Variants in CDH9 observed in about 807,000 individuals in gnomAD.
CDH9 encodes the protein cadherin-9.
CDH9 carries 28 observed loss-of-function variants against 70.9 expected under a neutral mutation model. That is an observed-to-expected ratio of 0.40 (90% CI 0.29 to 0.54). The LOEUF (loss-of-function observed/expected upper bound fraction) is 0.54. Ranked by LOEUF, CDH9 falls within the 20% of genes least tolerant of loss-of-function variation. The pLI, the probability that CDH9 is intolerant of heterozygous loss-of-function variation, is 0.59. For missense variants in CDH9, 874 were observed against 984.4 expected (o/e 0.89, Z 1.50); for synonymous variants, 409 against 343.1 (o/e 1.19, Z -2.12).
chr5:26,998,346 T>C (rs1431783765), intron 1 of CDH9, among the ~76,000 whole-genome samples: 1 of 152,094 alleles, frequency 6.6e-6, no homozygotes, highest in Non-Finnish European at 1.5e-5. Flanking sequence ...CCATCAATGA[T>C]AGACTGGATT....
intron 9 of CDH9, among the ~76,000 whole-genome samples, chr5:26,888,297 T>C (rs1740598826): frequency 6.6e-6 from 1 of 152,068 alleles, no homozygotes; most frequent in Admixed American, 6.6e-5. Flanking sequence ...ACAATTTAAT[T>C]TTTCCTACTT....
At chr5:26,940,933 A>C (rs1741651764) in intron 2 of CDH9, among the ~76,000 whole-genome samples, 1 of 152,248 alleles carries the variant, frequency 6.6e-6, no homozygotes. Flanking sequence ...TGTTACTGAA[A>C]ATAAACTTAT....
chr5:26,925,935 C>T (rs543719279), intron 2 of CDH9, among the ~76,000 whole-genome samples: 8 of 152,182 alleles, frequency 5.3e-5, no homozygotes, highest in Admixed American at 2.0e-4. Context: ...ATTGATGGAA[C>T]GTATCTCAAA....
chr5:26,926,917 G>GACC (rs1741349810), intron 2 of CDH9, among the ~76,000 whole-genome samples: 1 of 125,280 alleles, frequency 8.0e-6, no homozygotes, highest in Non-Finnish European at 1.7e-5. Context: ...CAAAAATACA[G>GACC]CCCCCCCCCG....
chr5:26,960,210 A>T (rs891557577), intron 2 of CDH9, among the ~76,000 whole-genome samples: 1 of 151,978 alleles, frequency 6.6e-6, no homozygotes, highest in Non-Finnish European at 1.5e-5. Flanking sequence ...TCTAGCAATG[A>T]CCTCGGACAC....
intron 1 of CDH9, among the ~76,000 whole-genome samples, chr5:27,003,239 CCTGTAT>C (rs1742802870): frequency 6.6e-6 from 1 of 152,048 alleles, no homozygotes; most frequent in Non-Finnish European, 1.5e-5. Flanking sequence ...GGATGTTCTA[CCTGTAT>C]CTGTAAGTTT....
chr5:26,941,018 T>C (rs1164108486), intron 2 of CDH9, among the ~76,000 whole-genome samples: 1 of 152,220 alleles, frequency 6.6e-6, no homozygotes, highest in Non-Finnish European at 1.5e-5. Flanking sequence ...AGGGGTTTAA[T>C]AAATAATCAC....
At chr5:26,888,776 G>T (rs2111971061) in intron 9 of CDH9, among the ~76,000 whole-genome samples, 1 of 152,248 alleles carries the variant, frequency 6.6e-6, no homozygotes, top group South Asian at 2.1e-4. Flanking sequence ...TTGGCTTCTG[G>T]TGAGGGCTTG....
At chr5:27,002,519 C>G (rs903777133) in intron 1 of CDH9, among the ~76,000 whole-genome samples, 4 of 152,100 alleles carry the variant, frequency 2.6e-5, no homozygotes, top group African/African-American at 9.7e-5. Context: ...TGGAACCAAC[C>G]CAAATGTCCA....
At chr5:26,908,633 G>A (rs552524669) in intron 3 of CDH9, among the ~76,000 whole-genome samples, 2 of 151,946 alleles carry the variant, frequency 1.3e-5, no homozygotes, top group South Asian at 2.1e-4. Context: ...TTTTAATTTC[G>A]ATTATTAGCT....
chr5:26,994,124 G>C (rs562834806), intron 1 of CDH9, among the ~76,000 whole-genome samples: 1 of 152,184 alleles, frequency 6.6e-6, no homozygotes, highest in African/African-American at 2.4e-5. Context: ...TTACCTGCTT[G>C]CTATCAGTGG....
chr5:26,940,683 G>C (rs1444172107), intron 2 of CDH9, among the ~76,000 whole-genome samples: 2 of 152,114 alleles, frequency 1.3e-5, no homozygotes, highest in African/African-American at 4.8e-5. Context: ...CACTAACAGG[G>C]AGCAGAACCA....
At chr5:26,948,932 A>G (rs1221324049) in intron 2 of CDH9, among the ~76,000 whole-genome samples, 1 of 152,170 alleles carries the variant, frequency 6.6e-6, no homozygotes, top group Non-Finnish European at 1.5e-5. Flanking sequence ...GGAGAACGCT[A>G]TTAACCAATG....
At chr5:26,892,853 C>T (rs541095127) in intron 7 of CDH9, among the ~76,000 whole-genome samples, 1 of 152,204 alleles carries the variant, frequency 6.6e-6, no homozygotes, top group East Asian at 1.9e-4. Flanking sequence ...GCCTCAGCCT[C>T]CCGAGTAGCT....
At position 26,965,230 on chromosome 5, in the gene CDH9, AATG is replaced by A. The variant is rs778422806; in HGVS notation, c.228+22873_228+22875del. Among the ~76,000 whole-genome samples, 4 of 152,136 alleles carry A rather than the reference AATG, an allele frequency of 2.6e-5. No homozygotes were observed. In the East Asian group the frequency reaches 5.8e-4, roughly 22 times the overall value. On this transcript the variant is annotated intron_variant, in intron 2 of 11. Transcript: ENST00000231021. ...ATTAAAACACTCACATGCCATTAAT[AATG>A]ATATTTACACAGGCCAAATCTATTA...
chr5:26,920,588 G>A (rs2112011214), intron 2 of CDH9, among the ~76,000 whole-genome samples: 1 of 152,232 alleles, frequency 6.6e-6, no homozygotes, highest in East Asian at 2.0e-4. Context: ...AGTGGCGGGG[G>A]CCACAGGGGT....
chr5:26,914,381 C>T (rs937422751), intron 3 of CDH9, among the ~76,000 whole-genome samples: 3 of 151,852 alleles, frequency 2.0e-5, no homozygotes, highest in South Asian at 2.1e-4. Flanking sequence ...GCGCACTGGT[C>T]GACCTATACA....
At position 26,889,499 on chromosome 5, in the gene CDH9, T is replaced by C. The variant is rs562061773; in HGVS notation, c.1512+337A>G. Among the ~76,000 whole-genome samples, 4 of 152,260 alleles carry C rather than the reference T, an allele frequency of 2.6e-5. No individual in the cohort carries two copies. In the South Asian group the frequency reaches 8.3e-4, roughly 32 times the overall value. ...TTTTCATACTTCAGGTTTTATTTAA[T>C]GATATATTTTCATTCTATTAGTGAA... On this transcript the variant is annotated intron_variant, in intron 9 of 11. Coordinates refer to ENST00000231021, the MANE Select transcript of CDH9 (RefSeq NM_016279.4).
intron 2 of CDH9, among the ~76,000 whole-genome samples, chr5:26,956,710 T>C (rs1280440393): frequency 6.6e-6 from 1 of 152,148 alleles, no homozygotes; most frequent in African/African-American, 2.4e-5. Context: ...CCTTACAGGA[T>C]GGTAGCACCT....
Sources: allele counts gnomAD v4.1 joint callset (sites outside exome capture counted in the v4.1 genomes callset), GRCh38; gene constraint gnomAD v4.1.1; transcripts MANE v1.5; gene names NCBI Gene and HGNC (gene_info 2026-07-23, HGNC 2026-07-21).